Variants in WBP4 observed in about 807,000 individuals in gnomAD.
WBP4 encodes WW domain binding protein 4.
In WBP4, 37 loss-of-function variants were observed where a neutral mutation model predicts 55.4. The ratio of observed to expected loss-of-function variants is 0.67; its 90% confidence interval spans 0.51 to 0.88. WBP4 has a LOEUF of 0.88. WBP4 is among the 40% of genes least tolerant of loss of function. The probability of loss-of-function intolerance (pLI) is 0.00; values close to 1 mark genes in which losing one functional copy is unlikely to be tolerated. For synonymous variants in WBP4, 142 were observed against 140.2 expected (o/e 1.01, Z -0.09); for missense variants, 398 against 420.8 (o/e 0.95, Z 0.47).
At chr13:41,078,114 C>T (rs2138481047) in intron 8 of WBP4, among the ~76,000 whole-genome samples, 1 of 152,312 alleles carries the variant, frequency 6.6e-6, no homozygotes, top group East Asian at 1.9e-4. Context: ...TTACCAACTT[C>T]ATTTTTTACA....
chr13:41,074,611 A>G (rs1878396111), intron 7 of WBP4, among the ~76,000 whole-genome samples: 1 of 152,220 alleles, frequency 6.6e-6, no homozygotes, highest in Non-Finnish European at 1.5e-5. Flanking sequence ...CTTCAGTGAA[A>G]TAGAATAAAC....
In WBP4 at chr13:41,061,633, G is replaced by T. The variant is rs754771344; in HGVS notation, c.-41G>T. ...CGTCCCGCTGGGAAAGCGCGAGTCT[G>T]AGTGGAACCCTGGACGACTTGCAGA... On this transcript the variant is annotated 5_prime_UTR_variant, in exon 1 of 10. Transcript: ENST00000379487. The T allele has an allele frequency of 1.2e-4, 189 of 1,614,036 alleles. No individual in the cohort carries two copies. The highest frequency in any genetic ancestry group is 1.6e-4 in the Non-Finnish European group (185 of 1,180,040).
intron 6 of WBP4, 55 bp downstream of exon 6, chr13:41,071,628 CT>C: frequency 6.6e-7 from 1 of 1,516,354 alleles, no homozygotes; most frequent in Non-Finnish European, 9.0e-7. Flanking sequence ...TGATTCGTTT[CT>C]TAGGTTTTTG....
rs2138485313 is a variant in WBP4 at position 41,080,751 on chromosome 13, C to T, written c.862C>T (p.Leu288Phe). 6.2e-7 allele frequency: 1 copy of T among 1,607,538 alleles called. No homozygotes were observed. The highest frequency in any genetic ancestry group is 2.2e-5 in the East Asian group (1 of 44,800). ...LGSNEEKSKT[L>F]KKSNPYGEWQ... ...TTCAAATGAAGAAAAATCGAAAACT[C>T]TTAAGAAATCAAACCCATATGGAGA... is the stretch of plus-strand genomic sequence containing the variant. Residue 288 changes from leucine (L) to phenylalanine (F), a missense_variant, in exon 9 of 10, where the codon CTT becomes TTT. Transcript: ENST00000379487.
intron 7 of WBP4, among the ~76,000 whole-genome samples, chr13:41,073,581 A>G (rs557709491): frequency 1.6e-4 from 24 of 151,732 alleles, no homozygotes; most frequent in Non-Finnish European, 3.1e-4. Flanking sequence ...TTGGAAGGCC[A>G]AGGCGGGCAG....
In WBP4 at chr13:41,061,602, T is replaced by G; in HGVS notation, c.-72T>G. On this transcript the variant is annotated 5_prime_UTR_variant, in exon 1 of 10. Transcript: ENST00000379487. ...GTGGGCATCGGGCGGCTGGAAGAGC[T>G]CGACTCGTCCCGCTGGGAAAGCGCG... is the stretch of plus-strand genomic sequence containing the variant. The G allele has an allele frequency of 1.9e-6, 3 of 1,613,068 alleles. No individual in the cohort carries two copies. The highest frequency in any genetic ancestry group is 2.5e-6 in the Non-Finnish European group (3 of 1,179,588).
intron 2 of WBP4, among the ~76,000 whole-genome samples, chr13:41,064,278 C>G (rs892927942): frequency 6.6e-5 from 10 of 151,986 alleles, no homozygotes; most frequent in African/African-American, 2.4e-4. Context: ...GAGAATGTAC[C>G]ATAGTTTAAC....
intron 2 of WBP4, 146 bp downstream of exon 2, chr13:41,062,862 C>T: frequency 1.7e-6 from 1 of 586,398 alleles, no homozygotes; most frequent in Non-Finnish European, 2.8e-6. Context: ...CTTCTCAGTC[C>T]CCTATGAAAG....
intron 6 of WBP4, among the ~76,000 whole-genome samples, chr13:41,072,023 A>G: frequency 6.7e-6 from 1 of 148,992 alleles, no homozygotes. Flanking sequence ...TCCAGCCTGG[A>G]TAACAAAGTA....
At position 41,076,237 on chromosome 13, in the gene WBP4, G is replaced by A. The variant is rs1878481278; in HGVS notation, c.756G>A (p.Lys252=). 4 of 1,528,746 alleles carry A rather than the reference G, an allele frequency of 2.6e-6. No homozygotes were observed. Among genetic ancestry groups the A allele is most frequent in the African/African-American group, 1.4e-5 (1 of 69,120 alleles). 94.7% of individuals were successfully genotyped at this position (1,528,746 alleles called of 1,614,324 possible). A position where few individuals can be genotyped will look rare whatever the true frequency, so the allele number is the denominator to read the frequency against. ...CAGAAAAGCCAAAAATAAAGTTTAA[G>A]GTAGGTTTTTAAATTTTACTCTTCA... ...TETEKPKIKF[K]EKNKNSDGGS... The change falls in exon 8 of 10, where the codon AAG becomes AAA. Residue 252 remains lysine, a splice_region_variant and synonymous_variant. Transcript: ENST00000379487.
rs1243524794 is a variant in WBP4 at position 41,080,752 on chromosome 13, T to C, written c.863T>C (p.Leu288Pro). 2 of 1,607,684 alleles carry C rather than the reference T, an allele frequency of 1.2e-6. No individual in the cohort carries two copies. The highest frequency in any genetic ancestry group is 1.7e-6 in the Non-Finnish European group (2 of 1,178,644). The change falls in exon 9 of 10, where the codon CTT becomes CCT. Residue 288 changes from leucine to proline, a missense_variant. Physicochemically the swap from Leu to Pro is moderately conservative, Grantham distance 98 (BLOSUM62 -3). Coordinates refer to ENST00000379487, the MANE Select transcript of WBP4 (RefSeq NM_007187.5). Reference sequence around the variant, plus strand: ...TCAAATGAAGAAAAATCGAAAACTCTTAAGAAATCAAACCCATATGGAGAA... The same window carrying C: ...TCAAATGAAGAAAAATCGAAAACTCCTAAGAAATCAAACCCATATGGAGAA... ...LGSNEEKSKT[L>P]KKSNPYGEWQ...
chr13:41,061,530 C>G lies in WBP4; in HGVS notation c.-144C>G. 4 of 1,325,446 alleles carry G rather than the reference C, an allele frequency of 3.0e-6. No homozygotes were observed. The highest frequency in any genetic ancestry group is 4.2e-6 in the Non-Finnish European group (4 of 944,086). 82.1% of individuals were successfully genotyped at this position (1,325,446 alleles called of 1,614,324 possible). A position where few individuals can be genotyped will look rare whatever the true frequency, so the allele number is the denominator to read the frequency against. On this transcript the variant is annotated 5_prime_UTR_variant, in exon 1 of 10. Coordinates refer to ENST00000379487, the MANE Select transcript of WBP4 (RefSeq NM_007187.5). ...ACCCGTAGTTGGGAACAGCGGAACGCTGGTCCCGGGGACTGAGTAAGGTGT... is the reference window on the plus strand; with the variant it reads ...ACCCGTAGTTGGGAACAGCGGAACGGTGGTCCCGGGGACTGAGTAAGGTGT...
chr13:41,065,035 G>A lies in WBP4; in HGVS notation c.95G>A (p.Arg32Lys), dbSNP rs141098047. 682 of 1,587,366 alleles carry A rather than the reference G, an allele frequency of 4.3e-4. No individual in the cohort carries two copies. The highest frequency in any genetic ancestry group is 5.5e-4 in the Non-Finnish European group (641 of 1,172,708). Residue 32 changes from arginine to lysine, a missense_variant, in exon 3 of 10, where the codon AGA becomes AAA. By Grantham distance (26) the Arg-to-Lys change is conservative (BLOSUM62 2). Transcript: ENST00000379487. Reference protein sequence around the residue: ...DNRPSVEFHERGKNHKENVAK... With the variant: ...DNRPSVEFHEKGKNHKENVAK... ...TTCAAGAGTGTTGAATTTCATGAAA[G>A]AGGAAAGAATCATAAGGAAAATGTG...
chr13:41,079,993 T>C (rs969305053), intron 8 of WBP4, among the ~76,000 whole-genome samples: 7 of 140,952 alleles, frequency 5.0e-5, no homozygotes, highest in South Asian at 4.3e-4. Flanking sequence ...TTCTCACTTA[T>C]AAGTGGGAGC....
intron 1 of WBP4, chr13:41,062,096 GTTTTTTTTTTTTTTT>G (rs60658317): frequency 2.6e-5 from 21 of 805,812 alleles, no homozygotes; most frequent in African/African-American, 1.5e-4. Context: ...TAGCGTAATG[GTTTTTTTTTTTTTTT>G]TTTTTTTTTT....
chr13:41,072,024 T>C (rs1193491676), intron 6 of WBP4, among the ~76,000 whole-genome samples: 1 of 86,726 alleles, frequency 1.2e-5, no homozygotes. Flanking sequence ...CCAGCCTGGA[T>C]AACAAAGTAA....
At chr13:41,082,667 C>G in intron 9 of WBP4, 37 bp from the exon 10 acceptor site, 1 of 1,600,014 alleles carries the variant, frequency 6.2e-7, no homozygotes, top group Non-Finnish European at 8.6e-7. Flanking sequence ...TTTGTCTTAC[C>G]CTGTCAAATA....
chr13:41,065,396 ACT>A (rs1877929858), intron 4 of WBP4, 109 bp downstream of exon 4: 3 of 1,388,708 alleles, frequency 2.2e-6, no homozygotes, highest in Non-Finnish European at 2.8e-6. Context: ...AACTCAGTGT[ACT>A]CTCAGTGCTT....
At chr13:41,082,049 A>G (rs1878803419) in intron 9 of WBP4, among the ~76,000 whole-genome samples, 1 of 152,158 alleles carries the variant, frequency 6.6e-6, no homozygotes, top group South Asian at 2.1e-4. Flanking sequence ...CTTTTTAATC[A>G]GGTGCTGATA....
Sources: allele counts gnomAD v4.1 joint callset (sites outside exome capture counted in the v4.1 genomes callset), GRCh38; gene constraint gnomAD v4.1.1; transcripts MANE v1.5; gene names NCBI Gene and HGNC (gene_info 2026-07-23, HGNC 2026-07-21).